PRRC2B: variants seen among roughly 807,000 people sequenced by gnomAD.
PRRC2B encodes the protein proline rich coiled-coil 2B.
Under a neutral mutation model 242.3 loss-of-function variants are expected in PRRC2B, and 68 were observed. That is an observed-to-expected ratio of 0.28 (90% CI 0.23 to 0.34). PRRC2B has a LOEUF of 0.34. Ranked by LOEUF, PRRC2B falls within the 10% of genes least tolerant of loss-of-function variation. PRRC2B has a pLI of 1.00. For missense variants in PRRC2B, 2,835 were observed against 2,954.8 expected (o/e 0.96, Z 0.94); for synonymous variants, 1,228 against 1,173.6 (o/e 1.05, Z -0.95).
chr9:131,495,870 C>T lies in PRRC2B; in HGVS notation c.6686C>T (p.Ala2229Val). The change falls in exon 32 of 32, where the codon GCC becomes GTC. Residue 2229 changes from alanine (A) to valine (V), a missense_variant. Around this residue, in one of 7 missense-constraint regions of PRRC2B, gnomAD observed 574 missense variants for 626.0 expected, o/e 0.92. Coordinates refer to ENST00000683519, the MANE Select transcript of PRRC2B (RefSeq NM_013318.4). ...GCTGTCAAAGTGGAGGAGAGTAAGG[C>T]CTGACAGTGCCTGGCTGCCACCTCG... ...PRAVKVEESK[A>V] The T allele has an allele frequency of 6.2e-7, 1 of 1,601,694 alleles. No homozygotes were observed. Among genetic ancestry groups the T allele is most frequent in the South Asian group, 1.1e-5 (1 of 90,884 alleles).
Position 131,482,616 on chromosome 9 carries a change from G to A in PRRC2B, c.5175+54G>A, listed in dbSNP as rs544730090. On this transcript the variant is annotated intron_variant, in intron 21 of 31. Coordinates refer to ENST00000683519, the MANE Select transcript of PRRC2B (RefSeq NM_013318.4). This position sits in a 1 kb window ranked among gnomAD's most constrained non-coding sequence, Gnocchi z 5.2. ...CAGGGCCTGGGTGGAAGGGGCCATCGTCTCATCATCTTCCTCAATTCCTGG... is the reference window on the plus strand; with the variant it reads ...CAGGGCCTGGGTGGAAGGGGCCATCATCTCATCATCTTCCTCAATTCCTGG... The A allele has an allele frequency of 2.2e-5, 34 of 1,535,626 alleles. No individual in the cohort carries two copies. The African/African-American group carries it at 3.5e-4, about 16-fold the overall frequency.
At chr9:131,374,130 C>T (rs928389251) in intron 1 of PRRC2B, among the ~76,000 whole-genome samples, 22 of 151,708 alleles carry the variant, frequency 1.5e-4, no homozygotes, top group African/African-American at 5.1e-4. Flanking sequence ...ATTTCAGTCA[C>T]CCTGATTCGT....
In PRRC2B at chr9:131,496,102, C is replaced by T. The variant is rs1415246320; in HGVS notation, c.*228C>T. ...TGATACGAAACAAAAAAGCAGACGACTCCTTCATCCCATCTGCTCCTACCG... is the reference window on the plus strand; with the variant it reads ...TGATACGAAACAAAAAAGCAGACGATTCCTTCATCCCATCTGCTCCTACCG... On this transcript the variant is annotated 3_prime_UTR_variant, in exon 32 of 32. Coordinates refer to ENST00000683519, the MANE Select transcript of PRRC2B (RefSeq NM_013318.4). 7.2e-6 allele frequency: 4 copies of T among 554,660 alleles called. No individual in the cohort carries two copies. Among genetic ancestry groups the T allele is most frequent in the Non-Finnish European group, 1.3e-5 (4 of 313,784 alleles). 34.4% of individuals were successfully genotyped at this position (554,660 alleles called of 1,614,324 possible).
chr9:131,435,613 TAAAAAAAAAAAAAAAAA>T (rs66831387), intron 3 of PRRC2B, among the ~76,000 whole-genome samples: 1 of 147,008 alleles, frequency 6.8e-6, no homozygotes, highest in Non-Finnish European at 1.5e-5. Context: ...AGACTCCATC[TAAAAAAAAAAAAAAAAA>T]AAAAAAAAGC....
intron 1 of PRRC2B, among the ~76,000 whole-genome samples, chr9:131,403,552 G>A (rs982609419): frequency 4.0e-5 from 6 of 150,570 alleles, no homozygotes; most frequent in Non-Finnish European, 7.4e-5. Flanking sequence ...ATGGGGTTTC[G>A]CCTTGTTGCC....
intron 1 of PRRC2B, among the ~76,000 whole-genome samples, chr9:131,381,682 G>A (rs1481825284): frequency 1.3e-5 from 2 of 151,992 alleles, no homozygotes; most frequent in East Asian, 1.9e-4. Context: ...GCCTCCCAAA[G>A]TGCTGGGATT....
intron 1 of PRRC2B, among the ~76,000 whole-genome samples, chr9:131,409,271 C>G (rs927587732): frequency 2.0e-5 from 3 of 152,250 alleles, no homozygotes; most frequent in Non-Finnish European, 4.4e-5. Flanking sequence ...ATCTGCCCGT[C>G]TTGGCCTCCC....
At position 131,488,130 on chromosome 9, in the gene PRRC2B, G is replaced by A. The variant is rs1944078524; in HGVS notation, c.6225+34G>A. 4.4e-6 allele frequency: 7 copies of A among 1,593,950 alleles called. No homozygotes were observed. In the South Asian group the frequency reaches 6.7e-5, roughly 15 times the overall value. ...TTCAGTCACTCTACCCAAAGCCCTA[G>A]GCTTCTTTCCTTCACGACCTTGCCT... On this transcript the variant is annotated intron_variant, in intron 28 of 31. Transcript: ENST00000683519.
intron 9 of PRRC2B, among the ~76,000 whole-genome samples, chr9:131,448,543 CAA>C (rs754661321): frequency 0.016 from 643 of 39,868 alleles, 109 homozygotes; most frequent in Non-Finnish European, 0.021. Flanking sequence ...GACACTGTCT[CAA>C]AAAAAAAAAA....
chr9:131,466,595 A>G (rs974011600), intron 12 of PRRC2B, among the ~76,000 whole-genome samples: 1 of 150,046 alleles, frequency 6.7e-6, no homozygotes, highest in African/African-American at 2.4e-5. Flanking sequence ...GTGGGCTGTC[A>G]CTGAGTTCAT....
intron 9 of PRRC2B, among the ~76,000 whole-genome samples, chr9:131,453,304 G>A (rs1399274305): frequency 1.3e-5 from 2 of 152,222 alleles, no homozygotes; most frequent in East Asian, 3.9e-4. Flanking sequence ...TGATTATTTA[G>A]TAGACAGCAC....
Position 131,479,173 on chromosome 9 carries a change from AC to A in PRRC2B, c.4759-77del. 2.8e-6 allele frequency: 4 copies of A among 1,444,004 alleles called. No individual in the cohort carries two copies. In the South Asian group the frequency reaches 5.0e-5, roughly 18 times the overall value. 89.4% of individuals were successfully genotyped at this position (1,444,004 alleles called of 1,614,324 possible). On this transcript the variant is annotated intron_variant, in intron 18 of 31. Transcript: ENST00000683519. ...ATTTTCAGGTGGTGTGATTTTTGGT[AC>A]CTGGGATACTTATCCTGGGGAGAAT...
intron 1 of PRRC2B, among the ~76,000 whole-genome samples, chr9:131,429,415 C>T (rs1362151532): frequency 1.3e-5 from 2 of 152,160 alleles, no homozygotes; most frequent in African/African-American, 2.4e-5. Flanking sequence ...GGGGCAAGTG[C>T]GGATGGCATA....
At chr9:131,374,547 A>T (rs1398932306) in intron 1 of PRRC2B, among the ~76,000 whole-genome samples, 1 of 151,848 alleles carries the variant, frequency 6.6e-6, no homozygotes, top group Non-Finnish European at 1.5e-5. Context: ...TTATTTTGAG[A>T]CAGAGTCTCA....
In PRRC2B at chr9:131,472,471, A is replaced by ATTTTTTTTTTTTTTTTTTTT. The variant is rs749051569; in HGVS notation, c.2108-1033_2108-1014dup. Among the ~76,000 whole-genome samples the ATTTTTTTTTTTTTTTTTTTT allele has an allele frequency of 3.3e-5, 3 of 91,522 alleles. 1 individual carries two copies. Among genetic ancestry groups the ATTTTTTTTTTTTTTTTTTTT allele is most frequent in the African/African-American group, 9.2e-5 (2 of 21,766 alleles). 60.0% of individuals were successfully genotyped at this position (91,522 alleles called of 152,430 possible). ...AGGCGCCCACCACCACGCCCAGCTAATTTTTTTTTTTTTTTTTTTTTTTGA... is the reference window on the plus strand; with the variant it reads ...AGGCGCCCACCACCACGCCCAGCTAATTTTTTTTTTTTTTTTTTTTTTTTTTTTTTTTTTTTTTTTTTTGA... On this transcript the variant is annotated intron_variant, in intron 14 of 31. Transcript: ENST00000683519.
At chr9:131,377,251 A>G (rs1836698037) in intron 1 of PRRC2B, among the ~76,000 whole-genome samples, 1 of 152,038 alleles carries the variant, frequency 6.6e-6, no homozygotes, top group Admixed American at 6.6e-5. Flanking sequence ...AGTAGCTGGG[A>G]TTACTGGCAC....
intron 31 of PRRC2B, among the ~76,000 whole-genome samples, 179 bp from the exon 32 acceptor site, chr9:131,495,561 C>T (rs1944310925): frequency 6.6e-6 from 1 of 152,032 alleles, no homozygotes; most frequent in Non-Finnish European, 1.5e-5. Context: ...AGAGACGGCA[C>T]TCGCGCCACT....
chr9:131,405,726 G>A (rs1161553463), intron 1 of PRRC2B, among the ~76,000 whole-genome samples: 5 of 152,140 alleles, frequency 3.3e-5, no homozygotes, highest in African/African-American at 9.7e-5. Context: ...TCCTGGGGGG[G>A]TTATTGTTAG....
chr9:131,491,351 C>T lies in PRRC2B; in HGVS notation c.6226-74C>T, dbSNP rs117055187. On this transcript the variant is annotated intron_variant, in intron 28 of 31. Transcript: ENST00000683519. ...AGTGTATGAATCTGAAGTGCATGTGCGGTCGCTCTTTGGTGCGTTTGGGGT... is the reference window on the plus strand; with the variant it reads ...AGTGTATGAATCTGAAGTGCATGTGTGGTCGCTCTTTGGTGCGTTTGGGGT... The T allele has an allele frequency of 2.4e-5, 33 of 1,393,820 alleles. No individual in the cohort carries two copies. In the East Asian group the frequency reaches 7.0e-4, roughly 30 times the overall value. The allele number at this position is 1,393,820 out of a possible 1,614,324, so 86.3% of individuals were successfully genotyped here.
Sources: gnomAD v4.1 joint callset for allele counts (sites outside exome capture counted in the v4.1 genomes callset) on GRCh38, gnomAD v4.1.1 for gene constraint, gnomAD v4.1.1 regional missense constraint, Gnocchi (gnomAD v3.1) non-coding constraint, MANE v1.5 for transcripts, NCBI Gene and HGNC (gene_info 2026-07-23, HGNC 2026-07-21) for gene names.